Variants in CPSF4 observed in about 807,000 individuals in gnomAD.
CPSF4 encodes cleavage and polyadenylation specificity factor subunit 4.
Under a neutral mutation model 37.7 loss-of-function variants are expected in CPSF4, and 11 were observed. The ratio of observed to expected loss-of-function variants is 0.29; its 90% CI spans 0.18 to 0.48. The LOEUF (loss-of-function observed/expected upper bound fraction) is 0.48. CPSF4 is among the 20% of genes least tolerant of loss of function. The pLI, the probability that CPSF4 is intolerant of heterozygous loss-of-function variation, is 0.99. For synonymous variants in CPSF4, 132 were observed against 135.9 expected (o/e 0.97, Z 0.20); for missense variants, 144 against 359.5 (o/e 0.40, Z 4.85).
intron 1 of CPSF4, among the ~76,000 whole-genome samples, chr7:99,440,674 A>ATATATATATATATATATTTTTTT: frequency 1.1e-5 from 1 of 88,130 alleles, no homozygotes; most frequent in African/African-American, 9.7e-5. Context: ...ATATATATAT[A>ATATATATATATATATATTTTTTT]TTTTTTTTTT....
chr7:99,453,764 C>T lies in CPSF4; in HGVS notation c.571-202C>T. On this transcript the variant is annotated intron_variant, in intron 6 of 7. Coordinates refer to ENST00000292476, the MANE Select transcript of CPSF4 (RefSeq NM_006693.4). This position sits in a 1 kb window ranked among gnomAD's most constrained non-coding sequence, Gnocchi z 4.7. ...TATTTTATTTTTCGTTTTTGTGTGT[C>T]TGCATGGTGTTTTTCGGGCAGTGGC... 1 of 584,004 alleles carries T rather than the reference C, an allele frequency of 1.7e-6. No individual in the cohort carries two copies. Among genetic ancestry groups the T allele is most frequent in the Non-Finnish European group, 3.0e-6 (1 of 330,522 alleles). The allele number at this position is 584,004 out of a possible 1,614,324, so 36.2% of individuals were successfully genotyped here. A position where few individuals can be genotyped will look rare whatever the true frequency, so the allele number is the denominator to read the frequency against.
chr7:99,439,579 C>G (rs1280345866), intron 1 of CPSF4: 1 of 184,082 alleles, frequency 5.4e-6, no homozygotes, highest in African/African-American at 2.3e-5. Flanking sequence ...ATCTTTGGCC[C>G]TCTGCGGCTG....
In CPSF4 at chr7:99,453,973, A is replaced by G. The variant is rs1382902736; in HGVS notation, c.578A>G (p.Asn193Ser). The G allele has an allele frequency of 4.3e-6, 7 of 1,613,960 alleles. No homozygotes were observed. Among genetic ancestry groups the G allele is most frequent in the Non-Finnish European group, 5.9e-6 (7 of 1,179,948 alleles). The change falls in exon 7 of 8, where the codon AAC becomes AGC. Residue 193 changes from asparagine to serine, a missense_variant. Around this residue, in one of 4 missense-constraint regions of CPSF4, gnomAD observed 86 missense variants for 141.5 expected, o/e 0.61. Coordinates refer to ENST00000292476, the MANE Select transcript of CPSF4 (RefSeq NM_006693.4). This position sits in a 1 kb window ranked among gnomAD's most constrained non-coding sequence, Gnocchi z 4.7. ...QQTQPPAKQS[N>S]NPPLQRSSSL... is the part of the protein sequence containing the mutation. ...TTGTGTAACTCTTTCCAGCAAAGTA[A>G]CAATCCGCCATTACAAAGGTCGTCC...
At chr7:99,452,571 T>TGTCCAGCGGGGTCTAAGG in intron 6 of CPSF4, 131 bp downstream of exon 6, 7 of 798,054 alleles carry the variant, frequency 8.8e-6, no homozygotes, top group Admixed American at 2.2e-5. Context: ...TCTCCCAAGT[T>TGTCCAGCGGGGTCTAAGG]CCCGAAGAAA....
rs151317433 is a variant in CPSF4 at position 99,450,887 on chromosome 7, A to G, written c.497+92A>G. 1.8e-3 allele frequency: 1,659 copies of G among 906,814 alleles called. 7 individuals carry two copies. The highest frequency in any genetic ancestry group is 2.3e-3 in the Non-Finnish European group (1,265 of 561,582). 56.2% of individuals were successfully genotyped at this position (906,814 alleles called of 1,614,324 possible). ...TCCCTGGGCCAACTGGGCCTTGGTCACTGGGTGATGTCAGTACCAGGGCCA... is the reference window on the plus strand; with the variant it reads ...TCCCTGGGCCAACTGGGCCTTGGTCGCTGGGTGATGTCAGTACCAGGGCCA... On this transcript the variant is annotated intron_variant, in intron 5 of 7. Coordinates refer to ENST00000292476, the MANE Select transcript of CPSF4 (RefSeq NM_006693.4).
At position 99,453,599 on chromosome 7, in the gene CPSF4, T is replaced by C. The variant is rs1798086121; in HGVS notation, c.571-367T>C. On this transcript the variant is annotated intron_variant, in intron 6 of 7. Transcript: ENST00000292476. The surrounding 1 kb of genome is among the most constrained non-coding windows in gnomAD (Gnocchi z 4.7). ...CTGTTTTTCTGTGACTTGCTCGCCGTGTAGGCTGCTAAACATCTGGCTGAA... is the reference window on the plus strand; with the variant it reads ...CTGTTTTTCTGTGACTTGCTCGCCGCGTAGGCTGCTAAACATCTGGCTGAA... 5.6e-6 allele frequency: 1 copy of C among 178,456 alleles called. No individual in the cohort carries two copies. Among genetic ancestry groups the C allele is most frequent in the Non-Finnish European group, 1.2e-5 (1 of 85,966 alleles). 11.1% of individuals were successfully genotyped at this position (178,456 alleles called of 1,614,324 possible). A position where few individuals can be genotyped will look rare whatever the true frequency, so the allele number is the denominator to read the frequency against.
rs1797669956 is a variant in CPSF4, at chr7:99,448,059, G to A, written c.155-62G>A. On this transcript the variant is annotated intron_variant, in intron 2 of 7. Transcript: ENST00000292476. The surrounding 1 kb of genome is among the most constrained non-coding windows in gnomAD (Gnocchi z 4.4). ...AGTGAAGGTACCTCAGCTTCTTCAGGCCGTGTCCCCCAGGCTCAGGGTGGC... is the reference window on the plus strand; with the variant it reads ...AGTGAAGGTACCTCAGCTTCTTCAGACCGTGTCCCCCAGGCTCAGGGTGGC... The A allele has an allele frequency of 6.4e-7, 1 of 1,568,976 alleles. No homozygotes were observed. Among genetic ancestry groups the A allele is most frequent in the Non-Finnish European group, 8.7e-7 (1 of 1,149,256 alleles).
chr7:99,456,266 C>T, intron 7 of CPSF4, 166 bp from the exon 8 acceptor site: 1 of 652,730 alleles, frequency 1.5e-6, no homozygotes, highest in Non-Finnish European at 2.7e-6. Flanking sequence ...CTCCCTCACC[C>T]TCTAATTTGA....
intron 3 of CPSF4, 63 bp from the exon 4 acceptor site, chr7:99,450,213 A>G (rs1007394540): frequency 1.5e-6 from 2 of 1,313,652 alleles, no homozygotes; most frequent in African/African-American, 1.5e-5. Flanking sequence ...TTTTCCTTGG[A>G]TGAAGCCAAG....
At chr7:99,454,310 A>G (rs1007919714) in intron 7 of CPSF4, among the ~76,000 whole-genome samples, 174 bp downstream of exon 7, 7 of 152,246 alleles carry the variant, frequency 4.6e-5, no homozygotes, top group Non-Finnish European at 8.8e-5. Flanking sequence ...AGACTGTCCT[A>G]TTTCCTACCA....
rs201957220 is a variant in CPSF4, at chr7:99,450,258, G to A, written c.308-18G>A. The A allele has an allele frequency of 2.1e-4, 337 of 1,602,934 alleles. 2 individuals are homozygous for A. In the Admixed American group the frequency reaches 3.3e-3, roughly 16 times the overall value. ...GCCCCGGCCTTCCCAGTGGTCTCACGTCTGAGTTTCCCTGCAGGGGAGTGC... is the reference window on the plus strand; with the variant it reads ...GCCCCGGCCTTCCCAGTGGTCTCACATCTGAGTTTCCCTGCAGGGGAGTGC... On this transcript the variant is annotated intron_variant, in intron 3 of 7. Coordinates refer to ENST00000292476, the MANE Select transcript of CPSF4 (RefSeq NM_006693.4).
At position 99,450,391 on chromosome 7, in the gene CPSF4, G is replaced by C; in HGVS notation, c.403+20G>C. 6.4e-7 allele frequency: 1 copy of C among 1,561,128 alleles called. No homozygotes were observed. Among genetic ancestry groups the C allele is most frequent in the Non-Finnish European group, 8.8e-7 (1 of 1,134,304 alleles). On this transcript the variant is annotated intron_variant, in intron 4 of 7. Coordinates refer to ENST00000292476, the MANE Select transcript of CPSF4 (RefSeq NM_006693.4). The stretch of plus-strand genomic sequence containing the variant: ...AGCACGGTAGGTGCCAGGGTGGGCT[G>C]GGCCCCGGGCAAGAAGCCAGTCCTC...
At chr7:99,454,329 T>C (rs1316626465) in intron 7 of CPSF4, among the ~76,000 whole-genome samples, 193 bp downstream of exon 7, 1 of 152,232 alleles carries the variant, frequency 6.6e-6, no homozygotes, top group Non-Finnish European at 1.5e-5. Flanking sequence ...CACACTGCAC[T>C]GAGGCACGGT....
chr7:99,450,140 G>C, intron 3 of CPSF4, 136 bp from the exon 4 acceptor site: 1 of 690,646 alleles, frequency 1.4e-6, no homozygotes, highest in East Asian at 2.7e-5. Flanking sequence ...GGAAGCTGGG[G>C]CTCAGAAACA....
In CPSF4 at chr7:99,453,797, A is replaced by G. The variant is rs930050938; in HGVS notation, c.571-169A>G. 4.1e-5 allele frequency: 26 copies of G among 626,936 alleles called. No individual in the cohort carries two copies. Among genetic ancestry groups the G allele is most frequent in the African/African-American group, 7.4e-5 (4 of 54,102 alleles). 38.8% of individuals were successfully genotyped at this position (626,936 alleles called of 1,614,324 possible). On this transcript the variant is annotated intron_variant, in intron 6 of 7. Transcript: ENST00000292476. The surrounding 1 kb of genome is among the most constrained non-coding windows in gnomAD (Gnocchi z 4.7). ...TGTTTTTCGGGCAGTGGCTTCTGCC[A>G]TCATCACCACATGTTTCTCTGCTGC...
At position 99,438,963 on chromosome 7, in the gene CPSF4, G is replaced by C; in HGVS notation, c.-120G>C. 3 of 1,340,586 alleles carry C rather than the reference G, an allele frequency of 2.2e-6. No individual in the cohort carries two copies. Among genetic ancestry groups the C allele is most frequent in the Non-Finnish European group, 2.9e-6 (3 of 1,043,070 alleles). 83.0% of individuals were successfully genotyped at this position (1,340,586 alleles called of 1,614,324 possible). A position where few individuals can be genotyped will look rare whatever the true frequency, so the allele number is the denominator to read the frequency against. On this transcript the variant is annotated 5_prime_UTR_variant, in exon 1 of 8. Transcript: ENST00000292476. ...CTCCCGGCATCCCTCGGGCGGCGGC[G>C]GCGGCGGCGGCGAGGCGAAGCGAAG...
At chr7:99,450,552 C>T in intron 4 of CPSF4, 150 bp from the exon 5 acceptor site, 1 of 777,670 alleles carries the variant, frequency 1.3e-6, no homozygotes, top group Non-Finnish European at 2.2e-6. Context: ...GGTGGTGGTC[C>T]ACCCGCTTTT....
At chr7:99,440,420 C>G (rs576100202) in intron 1 of CPSF4, among the ~76,000 whole-genome samples, 1 of 151,904 alleles carries the variant, frequency 6.6e-6, no homozygotes, top group African/African-American at 2.4e-5. Flanking sequence ...GCAATCATGG[C>G]TCAATGCAGC....
At position 99,443,441 on chromosome 7, in the gene CPSF4, T is replaced by A. The variant is rs2150984749; in HGVS notation, c.104-1348T>A. On this transcript the variant is annotated intron_variant, in intron 1 of 7. Transcript: ENST00000292476. ...TGGTCTCCAAACCACAAGAAGACAT[T>A]CTTGCTTTAGTTTAGCAAGCTTCAG... is the stretch of plus-strand genomic sequence containing the variant. 11 of 1,285,056 alleles carry A rather than the reference T, an allele frequency of 8.6e-6. No homozygotes were observed. In the South Asian group the frequency reaches 9.5e-5, roughly 11 times the overall value. 79.6% of individuals were successfully genotyped at this position (1,285,056 alleles called of 1,614,324 possible).
Sources: gnomAD v4.1 joint callset for allele counts (sites outside exome capture counted in the v4.1 genomes callset) on GRCh38, gnomAD v4.1.1 for gene constraint, gnomAD v4.1.1 regional missense constraint, Gnocchi (gnomAD v3.1) non-coding constraint, MANE v1.5 for transcripts, NCBI Gene and HGNC (gene_info 2026-07-23, HGNC 2026-07-21) for gene names.